Variants in MMP26 observed in about 807,000 individuals in gnomAD.
The protein encoded by MMP26 is matrix metalloproteinase-26.
Under a neutral mutation model 31.0 loss-of-function variants are expected in MMP26, and 33 were observed. That is an observed-to-expected ratio of 1.06 (90% CI 0.81 to 1.42). MMP26 has a LOEUF of 1.42. Among genes scored for constraint, MMP26 ranks in the 40% most tolerant of loss-of-function variants. MMP26 has a pLI of 0.00. For synonymous variants in MMP26, 122 were observed against 114.9 expected, an observed-to-expected ratio of 1.06 and a Z score of -0.40; for missense variants, 347 against 316.1, an observed-to-expected ratio of 1.10 and a Z score of -0.74.
chr11:4,927,257 C>T (rs1438743436), intron 2 of MMP26, among the ~76,000 whole-genome samples: 1 of 152,190 alleles, frequency 6.6e-6, no homozygotes, highest in African/African-American at 2.4e-5. Context: ...GAAGTACAAT[C>T]ATGACCTTAT....
intron 2 of MMP26, among the ~76,000 whole-genome samples, chr11:4,844,302 G>T (rs886595046): frequency 2.6e-5 from 4 of 152,060 alleles, no homozygotes; most frequent in African/African-American, 7.2e-5. Flanking sequence ...AGAAAAGCCT[G>T]GGATACGATG....
chr11:4,717,218 T>C (rs943659600), intron 1 of MMP26, among the ~76,000 whole-genome samples: 2 of 152,208 alleles, frequency 1.3e-5, no homozygotes, highest in African/African-American at 4.8e-5. Flanking sequence ...ACATTTGTTT[T>C]CTGAACTATC....
intron 2 of MMP26, among the ~76,000 whole-genome samples, chr11:4,791,017 A>G (rs1849019239): frequency 6.6e-6 from 1 of 152,186 alleles, no homozygotes; most frequent in Non-Finnish European, 1.5e-5. Flanking sequence ...AAAACCTAAT[A>G]TTCCAACATC....
At chr11:4,841,444 C>G (rs1283780074) in intron 2 of MMP26, among the ~76,000 whole-genome samples, 1 of 152,134 alleles carries the variant, frequency 6.6e-6, no homozygotes, top group East Asian at 1.9e-4. Context: ...ACCAATATAT[C>G]TGACAGCAGA....
At chr11:4,707,941 C>T (rs77241603) in intron 1 of MMP26, among the ~76,000 whole-genome samples, 3,753 of 152,188 alleles carry the variant, frequency 0.025, 166 homozygotes, top group East Asian at 0.22. Flanking sequence ...CATTAGAGGA[C>T]GCTTCTTCTG....
chr11:4,827,969 T>C (rs2133477851), intron 2 of MMP26, among the ~76,000 whole-genome samples: 1 of 152,228 alleles, frequency 6.6e-6, no homozygotes, highest in South Asian at 2.1e-4. Context: ...ATGATGTAGA[T>C]ACATGTCAGG....
chr11:4,757,818 A>G (rs564789172), intron 1 of MMP26, among the ~76,000 whole-genome samples: 2 of 152,188 alleles, frequency 1.3e-5, no homozygotes, highest in South Asian at 4.1e-4. Flanking sequence ...AAAAAAGGGA[A>G]AGGAAAGGAA....
intron 2 of MMP26, among the ~76,000 whole-genome samples, chr11:4,881,103 G>T (rs1254533268): frequency 6.6e-6 from 1 of 152,128 alleles, no homozygotes; most frequent in Non-Finnish European, 1.5e-5. Context: ...GCAATGTTGA[G>T]AAAACCTTGA....
intron 2 of MMP26, among the ~76,000 whole-genome samples, chr11:4,901,703 T>G (rs1850804990): frequency 6.6e-6 from 1 of 152,266 alleles, no homozygotes; most frequent in Middle Eastern, 3.4e-3. Context: ...CCCTAAAAAC[T>G]TCTCTAATGT....
At position 4,914,880 on chromosome 11, in the gene MMP26, C is replaced by G. The variant is rs766570358; in HGVS notation, c.-144-73188C>G. The G allele has an allele frequency of 3.7e-6, 6 of 1,613,972 alleles. No individual in the cohort carries two copies. In the South Asian group the frequency reaches 4.4e-5, roughly 12 times the overall value. Reference sequence around the variant, plus strand: ...CCAAAGCGATGGATGACAGAGAGGCCAATCATGGGAGTGTAGAAGAGCAGC... The same window carrying G: ...CCAAAGCGATGGATGACAGAGAGGCGAATCATGGGAGTGTAGAAGAGCAGC... On this transcript the variant is annotated intron_variant, in intron 2 of 7. Coordinates refer to ENST00000380390, the MANE Select transcript of MMP26 (RefSeq NM_021801.5).
rs780873103 is a variant in MMP26, at chr11:4,949,848, A to G, written c.-144-38220A>G. ...AAACACTAAACTTATTTTAATGTAT[A>G]CCATTTGAACTAATGTATGTATACC... On this transcript the variant is annotated intron_variant, in intron 2 of 7. Transcript: ENST00000380390. Among the ~76,000 whole-genome samples, 11 of 123,984 alleles carry G rather than the reference A, an allele frequency of 8.9e-5. 3 individuals carry two copies. Among genetic ancestry groups the G allele is most frequent in the Non-Finnish European group, 1.1e-4 (6 of 54,490 alleles). The allele number at this position is 123,984 out of a possible 152,430, so 81.3% of individuals were successfully genotyped here.
chr11:4,750,781 T>G (rs1589890524), intron 1 of MMP26, among the ~76,000 whole-genome samples: 1 of 151,204 alleles, frequency 6.6e-6, no homozygotes, highest in African/African-American at 2.4e-5. Flanking sequence ...GGTAGGAGGG[T>G]GGAAGTGGGA....
chr11:4,967,714 G>A (rs138088859), intron 2 of MMP26, among the ~76,000 whole-genome samples: 1 of 152,166 alleles, frequency 6.6e-6, no homozygotes, highest in Admixed American at 6.5e-5. Flanking sequence ...CCAAAACTTT[G>A]ATAATAAAAT....
At chr11:4,876,504 A>T (rs1433918) in intron 2 of MMP26, 103,374 of 151,994 alleles carry the variant, frequency 0.68, 36,605 homozygotes, top group Middle Eastern at 0.78. Flanking sequence ...AGTTGAAGTC[A>T]GTTTGACTTA....
Position 4,943,347 on chromosome 11 carries a change from T to C in MMP26, c.-144-44721T>C, listed in dbSNP as rs141523809. The C allele has an allele frequency of 3.1e-5, 11 of 349,950 alleles. No homozygotes were observed. The East Asian group carries it at 8.4e-4, about 27-fold the overall frequency. 21.7% of individuals were successfully genotyped at this position (349,950 alleles called of 1,614,324 possible). On this transcript the variant is annotated intron_variant, in intron 2 of 7. Transcript: ENST00000380390. ...TCTCAAGTGAAGTCTTTCAGTTTTC[T>C]CAGTTTTTCACTGGTTTCCTTTCTG...
intron 2 of MMP26, among the ~76,000 whole-genome samples, chr11:4,904,266 C>A (rs891870506): frequency 6.6e-6 from 1 of 152,028 alleles, no homozygotes; most frequent in African/African-American, 2.4e-5. Context: ...AGCAGCTTTC[C>A]CAGATTCACA....
At chr11:4,776,642 G>T (rs918202818) in intron 2 of MMP26, among the ~76,000 whole-genome samples, 4 of 152,094 alleles carry the variant, frequency 2.6e-5, no homozygotes, top group Non-Finnish European at 5.9e-5. Context: ...TTGAATCATG[G>T]GGGCAGATTT....
chr11:4,821,393 A>G (rs1564788125), intron 2 of MMP26: 1 of 1,612,764 alleles, frequency 6.2e-7, no homozygotes. Flanking sequence ...TAAATGACTG[A>G]AACATCCCTG....
At chr11:4,855,958 T>C (rs1850045583) in intron 2 of MMP26, among the ~76,000 whole-genome samples, 2 of 152,266 alleles carry the variant, frequency 1.3e-5, no homozygotes, top group South Asian at 4.1e-4. Flanking sequence ...CAGAATTTCA[T>C]ATCCAGCCAA....
Sources: gnomAD v4.1 joint callset for allele counts (sites outside exome capture counted in the v4.1 genomes callset) on GRCh38, gnomAD v4.1.1 for gene constraint, MANE v1.5 for transcripts, NCBI Gene and HGNC (gene_info 2026-07-23, HGNC 2026-07-21) for gene names.